The following ZNG1E variants were observed in gnomAD, a reference collection of about 807,000 sequenced individuals.
ZNG1E encodes the protein Zn regulated GTPase metalloprotein activator 1E, also known as zinc-regulated GTPase metalloprotein activator 1E.
At chr9:65,719,803 T>G in the ZNG1E span, 1 of 509,146 alleles carries the variant, frequency 2.0e-6, no homozygotes, top group South Asian at 2.8e-5. Context: ...AGACTAGTTT[T>G]TCTCTTTATT....
At chr9:65,684,997 G>T in the ZNG1E span, among the ~76,000 whole-genome samples, 1 of 146,084 alleles carries the variant, frequency 6.8e-6, no homozygotes, top group African/African-American at 2.6e-5. Flanking sequence ...AGTCATGATT[G>T]CACCACTGCA....
At chr9:65,687,588 A>G in the ZNG1E span, among the ~76,000 whole-genome samples, 3 of 151,480 alleles carry the variant, frequency 2.0e-5, no homozygotes, top group South Asian at 6.2e-4. Context: ...TTTATTAGGA[A>G]GAATTTGTGA....
At chr9:65,684,546 G>GCACACGCA in the ZNG1E span, among the ~76,000 whole-genome samples, 385 of 139,328 alleles carry the variant, frequency 2.8e-3, 1 homozygote, top group African/African-American at 4.0e-3. Context: ...ACACACACAC[G>GCACACGCA]CACGCACACA....
chr9:65,676,506 AACCT>A, the ZNG1E span, among the ~76,000 whole-genome samples: 1 of 146,998 alleles, frequency 6.8e-6, no homozygotes, highest in Non-Finnish European at 1.5e-5. Flanking sequence ...GGGCCGGAAC[AACCT>A]ACCTATTGCC....
chr9:65,665,418 G>C, the ZNG1E span, among the ~76,000 whole-genome samples: 1 of 152,268 alleles, frequency 6.6e-6, no homozygotes, highest in Non-Finnish European at 1.5e-5. Context: ...ACATGGCTTT[G>C]AGCCTGCGGG....
chr9:65,697,324 A>G, the ZNG1E span, among the ~76,000 whole-genome samples: 1 of 81,828 alleles, frequency 1.2e-5, no homozygotes, highest in Non-Finnish European at 2.6e-5. Context: ...TATGTGGCAT[A>G]AAAGATTTCA....
the ZNG1E span, among the ~76,000 whole-genome samples, chr9:65,662,333 A>G: frequency 6.6e-6 from 1 of 152,234 alleles, no homozygotes; most frequent in African/African-American, 2.4e-5. Flanking sequence ...ACTGAATGCA[A>G]TGTGGGATTC....
the ZNG1E span, chr9:65,700,879 T>C: frequency 2.6e-5 from 4 of 153,306 alleles, 1 homozygote; most frequent in Admixed American, 2.5e-4. Context: ...CTGTCAACCA[T>C]GCCTTGTCTT....
chr9:65,684,748 C>T, the ZNG1E span, among the ~76,000 whole-genome samples: 2 of 152,306 alleles, frequency 1.3e-5, no homozygotes, highest in African/African-American at 2.4e-5. Context: ...GTCAAGCAAG[C>T]TGTTTTTAAT....
chr9:65,658,832 A>T, the ZNG1E span, among the ~76,000 whole-genome samples: 1 of 148,676 alleles, frequency 6.7e-6, no homozygotes, highest in African/African-American at 2.5e-5. Context: ...GTGTCCTCAT[A>T]CTGTCTTCCC....
At chr9:65,687,338 C>T in the ZNG1E span, among the ~76,000 whole-genome samples, 1 of 139,774 alleles carries the variant, frequency 7.2e-6, no homozygotes, top group African/African-American at 2.6e-5. Context: ...TAGTCCATCT[C>T]CTGATTGAAT....
chr9:65,676,619 A>G, the ZNG1E span, among the ~76,000 whole-genome samples: 3 of 151,064 alleles, frequency 2.0e-5, no homozygotes, highest in East Asian at 1.9e-4. Flanking sequence ...AGTTGGCAGG[A>G]AGTGCTCCTA....
chr9:65,675,693 A>G, the ZNG1E span: 1 of 619,488 alleles, frequency 1.6e-6, no homozygotes, highest in East Asian at 3.1e-5. Flanking sequence ...ACAGGTGGTT[A>G]GTGCGCCCTA....
At chr9:65,677,856 C>A in the ZNG1E span, among the ~76,000 whole-genome samples, 1 of 151,684 alleles carries the variant, frequency 6.6e-6, no homozygotes, top group Non-Finnish European at 1.5e-5. Flanking sequence ...TTTACTGTGA[C>A]TCCTCTGGCT....
At chr9:65,709,866 C>A in the ZNG1E span, among the ~76,000 whole-genome samples, 12 of 151,508 alleles carry the variant, frequency 7.9e-5, no homozygotes, top group African/African-American at 2.9e-4. Context: ...AGGTTATATA[C>A]CCAGTAATGG....
the ZNG1E span, among the ~76,000 whole-genome samples, chr9:65,671,578 C>T: frequency 6.6e-6 from 1 of 152,222 alleles, no homozygotes; most frequent in Non-Finnish European, 1.5e-5. Flanking sequence ...CCCTGGCTTT[C>T]CAAAGTGCTG....
the ZNG1E span, among the ~76,000 whole-genome samples, chr9:65,663,829 T>G: frequency 1.5e-5 from 1 of 66,710 alleles, no homozygotes; most frequent in Non-Finnish European, 2.9e-5. Flanking sequence ...GGATGCAAAG[T>G]TTTTTTTAAG....
the ZNG1E span, among the ~76,000 whole-genome samples, chr9:65,667,116 C>G: frequency 6.6e-6 from 1 of 152,264 alleles, no homozygotes; most frequent in Non-Finnish European, 1.5e-5. Context: ...CCACCGTACC[C>G]GGCCCACCAG....
At chr9:65,693,901 T>A in the ZNG1E span, among the ~76,000 whole-genome samples, 4 of 151,242 alleles carry the variant, frequency 2.6e-5, no homozygotes, top group Non-Finnish European at 4.4e-5. Flanking sequence ...TCCCAAATCT[T>A]TGCTGAAATT....
Sources: gnomAD v4.1 joint callset for allele counts (sites outside exome capture counted in the v4.1 genomes callset) on GRCh38, gnomAD v4.1.1 for gene constraint, MANE v1.5 for transcripts, NCBI Gene and HGNC (gene_info 2026-07-23, HGNC 2026-07-21) for gene names.